The following ZNF510 variants were observed in gnomAD, a reference collection of about 807,000 sequenced individuals.
ZNF510 encodes the protein zinc finger protein 510.
Under a neutral mutation model 18.1 loss-of-function variants are expected in ZNF510, and 15 were observed. The ratio of observed to expected loss-of-function variants is 0.83; its 90% CI spans 0.55 to 1.28. The LOEUF is 1.28. Among genes scored for constraint, ZNF510 ranks in the 50% most tolerant of loss-of-function variants. The probability of loss-of-function intolerance (pLI) is 0.00; values close to 1 mark genes in which losing one functional copy is unlikely to be tolerated. For synonymous variants in ZNF510, 261 were observed against 266.4 expected, an observed-to-expected ratio of 0.98 and a Z score of 0.20; for missense variants, 724 against 791.8, an observed-to-expected ratio of 0.91 and a Z score of 1.03.
In ZNF510 at chr9:96,771,431, T is replaced by TAAAAAA. The variant is rs1564441028; in HGVS notation, c.129+3356_129+3357insTTTTTT. Among the ~76,000 whole-genome samples, 845 of 146,934 alleles carry TAAAAAA rather than the reference T, an allele frequency of 5.8e-3. 9 individuals carry two copies. Among genetic ancestry groups the TAAAAAA allele is most frequent in the African/African-American group, 0.02 (794 of 39,768 alleles). On this transcript the variant is annotated intron_variant, in intron 3 of 5. Transcript: ENST00000223428. ...CATCTGACAAAATACTCATGCATGA[T>TAAAAAA]TAAAAAAAAAAAAACTCAGGAAACT... is the stretch of plus-strand genomic sequence containing the variant.
chr9:96,763,292 T>C, intron 4 of ZNF510, 79 bp from the exon 5 acceptor site: 2 of 1,469,458 alleles, frequency 1.4e-6, no homozygotes, highest in Non-Finnish European at 1.9e-6. Context: ...AATACAGCTT[T>C]GGAAGCAGTA....
rs1319115778 is a variant in ZNF510, at chr9:96,759,342, A to T, written c.1488T>A (p.Thr496=). Residue 496 remains threonine, a synonymous_variant, in exon 6 of 6, where the codon ACT becomes ACA. Coordinates refer to ENST00000223428, the MANE Select transcript of ZNF510 (RefSeq NM_014930.3). The part of the protein sequence containing the change: ...KPYECSECGK[T]FVQKSTLRDH... ...CTCTGAGGGTGGACTTCTGAACAAAAGTTTTCCCACATTCACTACATTCAT... is the reference window on the plus strand; with the variant it reads ...CTCTGAGGGTGGACTTCTGAACAAATGTTTTCCCACATTCACTACATTCAT... 7 of 1,614,020 alleles carry T rather than the reference A, an allele frequency of 4.3e-6. No homozygotes were observed. The highest frequency in any genetic ancestry group is 5.9e-6 in the Non-Finnish European group (7 of 1,179,982).
chr9:96,773,404 A>T (rs1458929364), intron 3 of ZNF510, among the ~76,000 whole-genome samples: 1 of 152,204 alleles, frequency 6.6e-6, no homozygotes, highest in African/African-American at 2.4e-5. Flanking sequence ...GAACATATTT[A>T]TTATATTATT....
intron 4 of ZNF510, 60 bp downstream of exon 4, chr9:96,763,446 C>A: frequency 2.0e-6 from 3 of 1,535,038 alleles, no homozygotes; most frequent in Non-Finnish European, 2.6e-6. Flanking sequence ...TGTATTGGCA[C>A]TTAAAAAAGA....
In ZNF510 at chr9:96,769,065, C is replaced by T. The variant is rs567951206; in HGVS notation, c.130-5433G>A. ...CATTTATTAGGAAAAAAATAGTTTT[C>T]AACAGATGATGCTGGGATAACTGAA... is the stretch of plus-strand genomic sequence containing the variant. On this transcript the variant is annotated intron_variant, in intron 3 of 5. Coordinates refer to ENST00000223428, the MANE Select transcript of ZNF510 (RefSeq NM_014930.3). Among the ~76,000 whole-genome samples the T allele has an allele frequency of 2.6e-5, 4 of 152,202 alleles. No individual in the cohort carries two copies. The East Asian group carries it at 7.7e-4, about 29-fold the overall frequency.
intron 3 of ZNF510, among the ~76,000 whole-genome samples, chr9:96,764,119 C>T (rs1849415713): frequency 6.6e-6 from 1 of 151,968 alleles, no homozygotes. Flanking sequence ...TATAAATGAT[C>T]TATATATATT....
chr9:96,765,701 T>C (rs903727890), intron 3 of ZNF510, among the ~76,000 whole-genome samples: 36 of 152,014 alleles, frequency 2.4e-4, no homozygotes, highest in African/African-American at 8.2e-4. Context: ...TTAGTAGAGA[T>C]GGGGTTTCAC....
intron 3 of ZNF510, among the ~76,000 whole-genome samples, chr9:96,770,340 A>G (rs531961072): frequency 2.0e-5 from 3 of 152,068 alleles, no homozygotes; most frequent in Non-Finnish European, 2.9e-5. Context: ...CTGTAATCGC[A>G]GAACTTTGGG....
intron 3 of ZNF510, among the ~76,000 whole-genome samples, chr9:96,769,933 T>C (rs1444820536): frequency 6.6e-6 from 1 of 152,308 alleles, no homozygotes; most frequent in South Asian, 2.1e-4. Flanking sequence ...GTTTTAATGA[T>C]GTGGAGAAAG....
rs563152951 is a variant in ZNF510 at position 96,778,056 on chromosome 9, C to T, written c.-199G>A. Reference sequence around the variant, plus strand: ...CACCTGAGCTGCGAACCCTCTGCACCAGCAAACACTAACAGGGAGAAGCCG... The same window carrying T: ...CACCTGAGCTGCGAACCCTCTGCACTAGCAAACACTAACAGGGAGAAGCCG... On this transcript the variant is annotated 5_prime_UTR_variant, in exon 1 of 6. Transcript: ENST00000223428. 1.3e-5 allele frequency: 2 copies of T among 152,458 alleles called. No homozygotes were observed. Among genetic ancestry groups the T allele is most frequent in the South Asian group, 2.1e-4 (1 of 4,830 alleles). The allele number at this position is 152,458 out of a possible 1,614,324, so 9.4% of individuals were successfully genotyped here.
Position 96,759,385 on chromosome 9 carries a change from T to A in ZNF510, c.1445A>T (p.His482Leu). Reference protein sequence around the residue: ...KSTLRGHQRIHTGEKPYECSE... With the variant: ...KSTLRGHQRILTGEKPYECSE... The stretch of plus-strand genomic sequence containing the variant: ...ACATTCATAGGGTTTTTCTCCTGTG[T>A]GAATTCTTTGATGTCCCCTGAGGGT... The change falls in exon 6 of 6, where the codon CAC becomes CTC. Residue 482 changes from histidine (H) to leucine (L), a missense_variant. Transcript: ENST00000223428. 1 of 1,614,202 alleles carries A rather than the reference T, an allele frequency of 6.2e-7. No homozygotes were observed. The highest frequency in any genetic ancestry group is 8.5e-7 in the Non-Finnish European group (1 of 1,180,014).
intron 3 of ZNF510, among the ~76,000 whole-genome samples, chr9:96,764,794 G>A (rs557646074): frequency 2.0e-5 from 3 of 152,136 alleles, no homozygotes; most frequent in South Asian, 4.2e-4. Flanking sequence ...ATATACAGTA[G>A]ACTTTAAGGT....
In ZNF510 at chr9:96,758,814, T is replaced by TA. The variant is rs1407862485; in HGVS notation, c.2015dup (p.Leu672PhefsTer15). On this transcript the variant is annotated frameshift_variant, in exon 6 of 6. Transcript: ENST00000223428. LOFTEE classifies it low-confidence loss of function (END_TRUNC). ...TCCCCTCTCCCTGAATTTTCTGGTA[T>TA]AAGCTTAGGGTAGACTTCTTACATA... 6.3e-7 allele frequency: 1 copy of TA among 1,599,088 alleles called. No homozygotes were observed. Among genetic ancestry groups the TA allele is most frequent in the African/African-American group, 1.3e-5 (1 of 74,154 alleles).
At chr9:96,771,798 T>C (rs1849590827) in intron 3 of ZNF510, among the ~76,000 whole-genome samples, 1 of 149,108 alleles carries the variant, frequency 6.7e-6, no homozygotes, top group Non-Finnish European at 1.5e-5. Flanking sequence ...AAATCCATCG[T>C]ATTTTAATAA....
chr9:96,759,113 T>C lies in ZNF510; in HGVS notation c.1717A>G (p.Lys573Glu). 6.2e-7 allele frequency: 1 copy of C among 1,614,094 alleles called. No individual in the cohort carries two copies. The highest frequency in any genetic ancestry group is 8.5e-7 in the Non-Finnish European group (1 of 1,180,002). ...QKTHTGEKPF[K>E]CNECGKTFAR... is the part of the protein sequence containing the mutation. ...AAAGTTTTCCCACATTCGTTACATTTGAATGGTTTCTCTCCCGTGTGAGTT... is the reference window on the plus strand; with the variant it reads ...AAAGTTTTCCCACATTCGTTACATTCGAATGGTTTCTCTCCCGTGTGAGTT... Residue 573 changes from lysine to glutamate, a missense_variant, in exon 6 of 6, where the codon AAA becomes GAA. By Grantham distance (56) the Lys-to-Glu change is moderately conservative (BLOSUM62 1). Transcript: ENST00000223428.
intron 3 of ZNF510, among the ~76,000 whole-genome samples, chr9:96,764,697 G>T (rs1019530932): frequency 2.0e-5 from 3 of 152,028 alleles, no homozygotes; most frequent in African/African-American, 7.3e-5. Context: ...TATATATAGG[G>T]ATTATGGAGA....
intron 3 of ZNF510, among the ~76,000 whole-genome samples, chr9:96,767,693 G>A (rs1402085124): frequency 6.6e-6 from 1 of 152,022 alleles, no homozygotes; most frequent in East Asian, 1.9e-4. Flanking sequence ...CAGAACATCC[G>A]AACAGACTGA....
chr9:96,774,415 C>CTGT (rs1588133548), intron 3 of ZNF510, among the ~76,000 whole-genome samples: 1 of 152,198 alleles, frequency 6.6e-6, no homozygotes, highest in South Asian at 2.1e-4. Flanking sequence ...TATTTCAAGG[C>CTGT]TGTTATGAGA....
intron 3 of ZNF510, among the ~76,000 whole-genome samples, chr9:96,765,353 G>A (rs1849446140): frequency 6.6e-6 from 1 of 152,056 alleles, no homozygotes; most frequent in African/African-American, 2.4e-5. Flanking sequence ...TGTACAGGAA[G>A]GTAAAAAATT....
Sources: gnomAD v4.1 joint callset for allele counts (sites outside exome capture counted in the v4.1 genomes callset) on GRCh38, gnomAD v4.1.1 for gene constraint, MANE v1.5 for transcripts, NCBI Gene and HGNC (gene_info 2026-07-23, HGNC 2026-07-21) for gene names.